WFDC9: variants seen among roughly 807,000 people sequenced by gnomAD.
WFDC9 encodes the protein protein WFDC9.
Under a neutral mutation model 9.5 loss-of-function variants are expected in WFDC9, and 9 were observed. That is an observed-to-expected ratio of 0.95 (90% CI 0.57 to 1.65). WFDC9 has a LOEUF of 1.65. WFDC9 is among the 40% of genes most tolerant of loss of function. The pLI is 0.00. For synonymous variants in WFDC9, 33 were observed against 32.3 expected, an observed-to-expected ratio of 1.02 and a Z score of -0.07; for missense variants, 87 against 106.7, an observed-to-expected ratio of 0.82 and a Z score of 0.81.
chr20:45,624,147 G>A (rs1260517651), intron 1 of WFDC9, among the ~76,000 whole-genome samples: 3 of 152,060 alleles, frequency 2.0e-5, no homozygotes, highest in South Asian at 2.1e-4. Flanking sequence ...AGTCGAGATC[G>A]TCCCACCGCA....
At chr20:45,612,998 T>C (rs1177942860) in intron 2 of WFDC9, among the ~76,000 whole-genome samples, 1 of 152,352 alleles carries the variant, frequency 6.6e-6, no homozygotes, top group East Asian at 1.9e-4. Context: ...TGAAAGTCTT[T>C]ATATTTGTTC....
intron 1 of WFDC9, among the ~76,000 whole-genome samples, chr20:45,624,658 G>C (rs1276930187): frequency 6.6e-6 from 1 of 152,168 alleles, no homozygotes; most frequent in East Asian, 1.9e-4. Flanking sequence ...TCTCCATAGT[G>C]ACTGTACTAA....
intron 1 of WFDC9, chr20:45,630,754 G>A (rs1982343104): frequency 3.4e-6 from 4 of 1,170,246 alleles, no homozygotes; most frequent in Non-Finnish European, 4.6e-6. Context: ...TATGAAGAAG[G>A]AATCCAGGAG....
chr20:45,615,873 A>G (rs1438981842), intron 1 of WFDC9, among the ~76,000 whole-genome samples: 1 of 151,922 alleles, frequency 6.6e-6, no homozygotes, highest in Non-Finnish European at 1.5e-5. Flanking sequence ...TATAAAAAAT[A>G]ATGTGCATAC....
intron 1 of WFDC9, among the ~76,000 whole-genome samples, chr20:45,624,807 A>G (rs992642831): frequency 6.6e-6 from 1 of 152,082 alleles, no homozygotes; most frequent in African/African-American, 2.4e-5. Context: ...TCTCACTTGC[A>G]TTTCCCCGAT....
intron 1 of WFDC9, 46 bp downstream of exon 1, chr20:45,631,157 C>A (rs1457605846): frequency 4.2e-6 from 4 of 954,084 alleles, no homozygotes; most frequent in Non-Finnish European, 5.7e-6. Context: ...TGTCTGAACC[C>A]CTTGTCCCTG....
intron 1 of WFDC9, among the ~76,000 whole-genome samples, chr20:45,626,085 G>A (rs1390302174): frequency 6.6e-6 from 1 of 152,028 alleles, no homozygotes; most frequent in African/African-American, 2.4e-5. Context: ...GTCTCCCAAA[G>A]TGCTGGGATT....
At chr20:45,615,033 A>ATTGACCT (rs1981943458) in intron 1 of WFDC9, among the ~76,000 whole-genome samples, 1 of 152,188 alleles carries the variant, frequency 6.6e-6, no homozygotes, top group African/African-American at 2.4e-5. Context: ...AACAGTCTAC[A>ATTGACCT]TTGACCTTTG....
intron 1 of WFDC9, among the ~76,000 whole-genome samples, chr20:45,626,687 G>A (rs1741719839): frequency 2.0e-5 from 3 of 152,194 alleles, no homozygotes; most frequent in Admixed American, 2.0e-4. Context: ...TCTTGGTAGA[G>A]TCTAAGTTTT....
At chr20:45,610,856 C>A (rs1456628130) in intron 2 of WFDC9, among the ~76,000 whole-genome samples, 2 of 152,290 alleles carry the variant, frequency 1.3e-5, no homozygotes, top group East Asian at 3.9e-4. Context: ...AAGCTTTGCT[C>A]GTGAAAGCCG....
chr20:45,622,954 A>T (rs1982133788), intron 1 of WFDC9, among the ~76,000 whole-genome samples: 1 of 152,200 alleles, frequency 6.6e-6, no homozygotes, highest in Admixed American at 6.5e-5. Flanking sequence ...ATGCAAACCT[A>T]AACAGATTTG....
intron 1 of WFDC9, among the ~76,000 whole-genome samples, chr20:45,623,115 G>A (rs769344043): frequency 3.9e-5 from 6 of 152,090 alleles, no homozygotes; most frequent in Non-Finnish European, 7.3e-5. Context: ...AAATTCAGAG[G>A]AGCCCAAGCT....
intron 1 of WFDC9, chr20:45,630,883 C>A (rs1354981492): frequency 6.2e-7 from 1 of 1,601,358 alleles, no homozygotes; most frequent in South Asian, 1.1e-5. Context: ...CACAGCTATC[C>A]CCAGAAATCA....
intron 1 of WFDC9, among the ~76,000 whole-genome samples, chr20:45,622,727 C>A (rs76331330): frequency 0.051 from 7,802 of 152,036 alleles, 374 homozygotes; most frequent in East Asian, 0.24. Context: ...ATAAATGATG[C>A]CAATATCTAC....
At chr20:45,612,559 T>C (rs1313891004) in intron 2 of WFDC9, among the ~76,000 whole-genome samples, 2 of 152,048 alleles carry the variant, frequency 1.3e-5, no homozygotes, top group Non-Finnish European at 2.9e-5. Flanking sequence ...TAAGGGAAAC[T>C]AGAGTATGGG....
intron 1 of WFDC9, among the ~76,000 whole-genome samples, chr20:45,623,743 G>A (rs1449645651): frequency 2.0e-5 from 3 of 152,092 alleles, no homozygotes; most frequent in African/African-American, 7.2e-5. Flanking sequence ...TAGCATACCC[G>A]TCATCTCAAA....
chr20:45,619,887 G>A (rs553534914), intron 1 of WFDC9, among the ~76,000 whole-genome samples: 20 of 152,174 alleles, frequency 1.3e-4, no homozygotes, highest in East Asian at 3.9e-4. Flanking sequence ...TTAGCCAGCC[G>A]TGGTGGTGGG....
intron 2 of WFDC9, among the ~76,000 whole-genome samples, chr20:45,611,290 T>G (rs191995023): frequency 0.014 from 2,102 of 151,100 alleles, 88 homozygotes; most frequent in Admixed American, 0.098. Flanking sequence ...GTGGGGGTGG[T>G]GGGAGGCGGG....
At chr20:45,619,179 T>C (rs1045548874) in intron 1 of WFDC9, among the ~76,000 whole-genome samples, 4 of 152,216 alleles carry the variant, frequency 2.6e-5, no homozygotes, top group East Asian at 1.9e-4. Flanking sequence ...TTTATTTATA[T>C]GGCAGCAAAA....
Sources: gnomAD v4.1 joint callset for allele counts (sites outside exome capture counted in the v4.1 genomes callset) on GRCh38, gnomAD v4.1.1 for gene constraint, MANE v1.5 for transcripts, NCBI Gene and HGNC (gene_info 2026-07-23, HGNC 2026-07-21) for gene names.